The following SGCD variants were observed in gnomAD, a reference collection of about 807,000 sequenced individuals.
SGCD encodes the protein sarcoglycan delta.
Under a neutral mutation model 36.6 loss-of-function variants are expected in SGCD, and 18 were observed. The observed-to-expected ratio is 0.49, with a 90% confidence interval of 0.34 to 0.73. SGCD has a LOEUF of 0.73. SGCD is among the 30% of genes least tolerant of loss of function. The pLI, the probability that SGCD is intolerant of heterozygous loss-of-function variation, is 0.01. For missense variants in SGCD, 387 were observed against 346.7 expected, an observed-to-expected ratio of 1.12 and a Z score of -0.92; for synonymous variants, 133 against 130.6, an observed-to-expected ratio of 1.02 and a Z score of -0.12.
chr5:156,733,231 T>G (rs751889805), intron 7 of SGCD, among the ~76,000 whole-genome samples: 16 of 152,108 alleles, frequency 1.1e-4, no homozygotes, highest in Non-Finnish European at 7.4e-5. Flanking sequence ...CTTAGCTGTG[T>G]CCCCGAGATT....
At chr5:155,787,944 T>G in the SGCD span, among the ~76,000 whole-genome samples, 2 of 152,154 alleles carry the variant, frequency 1.3e-5, no homozygotes, top group Admixed American at 1.3e-4. Context: ...GTATAGGTAT[T>G]TTGTCCTGAT....
chr5:156,118,530 C>A (rs1269174090), intron 2 of SGCD, among the ~76,000 whole-genome samples: 2 of 152,100 alleles, frequency 1.3e-5, no homozygotes, highest in Admixed American at 1.3e-4. Context: ...AGCACATCTA[C>A]TTTTACTACT....
At position 156,212,992 on chromosome 5, in the gene SGCD, G is replaced by GA. The variant is rs1341115464; in HGVS notation, c.-44+88977dup. 3.9e-5 allele frequency among the ~76,000 whole-genome samples: 6 copies of GA among 151,958 alleles called. 1 individual carries two copies. The highest frequency in any genetic ancestry group is 3.9e-4 in the Admixed American group (6 of 15,272). On this transcript the variant is annotated intron_variant, in intron 3 of 9. Transcript: ENST00000517913. Reference sequence around the variant, plus strand: ...ATCATCCCAAAACTTATGGGACATAGAAAATGCCAATTTAATAGGGAAGTT... The same window carrying GA: ...ATCATCCCAAAACTTATGGGACATAGAAAAATGCCAATTTAATAGGGAAGTT...
At chr5:156,003,750 G>T (rs974798064) in intron 1 of SGCD, among the ~76,000 whole-genome samples, 1 of 152,116 alleles carries the variant, frequency 6.6e-6, no homozygotes, top group Non-Finnish European at 1.5e-5. Context: ...TAAGCTAGTG[G>T]ATTTTCATTA....
At chr5:156,288,152 A>T (rs904010479) in intron 3 of SGCD, among the ~76,000 whole-genome samples, 12 of 152,168 alleles carry the variant, frequency 7.9e-5, no homozygotes, top group Admixed American at 4.6e-4. Context: ...CATGTCAGAA[A>T]ATAGTTTGGA....
chr5:156,486,085 T>C (rs1755644826), intron 3 of SGCD, among the ~76,000 whole-genome samples: 1 of 152,034 alleles, frequency 6.6e-6, no homozygotes. Context: ...CATGATGCCA[T>C]TTTGAGATCC....
chr5:156,680,653 A>G (rs945356285), intron 7 of SGCD, among the ~76,000 whole-genome samples: 1 of 152,178 alleles, frequency 6.6e-6, no homozygotes, highest in Non-Finnish European at 1.5e-5. Context: ...TGAACACATC[A>G]CCTAATACAT....
intron 7 of SGCD, among the ~76,000 whole-genome samples, chr5:156,654,772 A>G (rs1763608131): frequency 6.6e-6 from 1 of 152,132 alleles, no homozygotes. Context: ...TTTTAAAGTT[A>G]AAAAAGAGTT....
the SGCD span, among the ~76,000 whole-genome samples, chr5:155,805,886 G>T: frequency 6.6e-6 from 1 of 152,170 alleles, no homozygotes; most frequent in Non-Finnish European, 1.5e-5. Flanking sequence ...GAAGTAAGGT[G>T]TTCTCCAGCA....
chr5:156,384,003 C>G (rs1450011602), intron 3 of SGCD, among the ~76,000 whole-genome samples: 1 of 152,112 alleles, frequency 6.6e-6, no homozygotes, highest in East Asian at 1.9e-4. Context: ...AGGGTCCAGG[C>G]TGTTTAAATT....
intron 3 of SGCD, among the ~76,000 whole-genome samples, chr5:156,225,682 C>T (rs1006630374): frequency 1.3e-5 from 2 of 151,932 alleles, no homozygotes; most frequent in Admixed American, 6.6e-5. Context: ...TTGTCTCTAT[C>T]AATAGTATCC....
At chr5:156,320,667 T>C (rs954959653) in intron 3 of SGCD, among the ~76,000 whole-genome samples, 1 of 152,246 alleles carries the variant, frequency 6.6e-6, no homozygotes, top group African/African-American at 2.4e-5. Context: ...AGTAATGACT[T>C]AGTTTGAGAA....
At chr5:156,262,478 A>G (rs1249777308) in intron 3 of SGCD, among the ~76,000 whole-genome samples, 5 of 152,082 alleles carry the variant, frequency 3.3e-5, no homozygotes, top group African/African-American at 9.7e-5. Context: ...CAATGACAAA[A>G]CCACCTAATG....
At chr5:156,455,748 A>T (rs1754229801) in intron 3 of SGCD, among the ~76,000 whole-genome samples, 2 of 152,256 alleles carry the variant, frequency 1.3e-5, no homozygotes, top group African/African-American at 4.8e-5. Flanking sequence ...TCCTAACTCC[A>T]GGTGGCTGAA....
At chr5:156,346,142 C>T (rs1768921333) in intron 3 of SGCD, among the ~76,000 whole-genome samples, 1 of 151,894 alleles carries the variant, frequency 6.6e-6, no homozygotes, top group Admixed American at 6.6e-5. Flanking sequence ...CTCTATAAAC[C>T]AAGGTTACAG....
chr5:156,343,589 T>A (rs911565704), intron 2 of SGCD, among the ~76,000 whole-genome samples: 5 of 152,246 alleles, frequency 3.3e-5, no homozygotes, highest in Non-Finnish European at 5.9e-5. Flanking sequence ...TTACCTACAT[T>A]TGTGTTGACA....
chr5:156,049,212 G>A (rs1252075661), intron 1 of SGCD, among the ~76,000 whole-genome samples: 1 of 146,366 alleles, frequency 6.8e-6, no homozygotes, highest in Non-Finnish European at 1.5e-5. Context: ...GTACCATGCT[G>A]TTTTGGTTAC....
intron 3 of SGCD, among the ~76,000 whole-genome samples, chr5:156,127,192 C>CA (rs752937227): frequency 3.9e-4 from 60 of 151,952 alleles, no homozygotes; most frequent in Non-Finnish European, 5.7e-4. Flanking sequence ...AAAAGTTTTT[C>CA]AAAAAATCAT....
intron 1 of SGCD, among the ~76,000 whole-genome samples, chr5:155,910,349 A>G (rs193095390): frequency 1.3e-4 from 20 of 152,258 alleles, no homozygotes; most frequent in Admixed American, 1.0e-3. Flanking sequence ...TTCTTCTTTT[A>G]AATAATAAAG....
Sources: gnomAD v4.1 joint callset for allele counts (sites outside exome capture counted in the v4.1 genomes callset) on GRCh38, gnomAD v4.1.1 for gene constraint, MANE v1.5 for transcripts, NCBI Gene and HGNC (gene_info 2026-07-23, HGNC 2026-07-21) for gene names.